The following MBP variants were observed in gnomAD, a reference collection of about 807,000 sequenced individuals.
MBP encodes the protein myelin basic protein, also known as Golli-MBP.
MBP carries 16 observed loss-of-function variants against 35.8 expected under a neutral mutation model. The ratio of observed to expected loss-of-function variants is 0.45; its 90% confidence interval spans 0.30 to 0.68. The LOEUF is 0.68. MBP is among the 30% of genes least tolerant of loss of function. MBP has a pLI of 0.08. For missense variants in MBP, 380 were observed against 404.7 expected (o/e 0.94, Z 0.52); for synonymous variants, 143 against 159.6 (o/e 0.90, Z 0.78).
intron 1 of MBP, among the ~76,000 whole-genome samples, chr18:77,130,941 G>C (rs984686536): frequency 6.7e-6 from 1 of 149,556 alleles, no homozygotes; most frequent in Non-Finnish European, 1.5e-5. Flanking sequence ...GGTTGTTTCA[G>C]AACAGTTAAC....
At chr18:77,077,652 G>A (rs1032650479) in intron 2 of MBP, among the ~76,000 whole-genome samples, 10 of 152,158 alleles carry the variant, frequency 6.6e-5, no homozygotes, top group African/African-American at 1.9e-4. Flanking sequence ...GGCCCGGGGC[G>A]GTGGCCTCAG....
intron 3 of MBP, among the ~76,000 whole-genome samples, chr18:77,032,581 T>A (rs543734067): frequency 6.6e-6 from 1 of 152,374 alleles, no homozygotes; most frequent in African/African-American, 2.4e-5. Flanking sequence ...CAGTCACCCC[T>A]GTGAGGCTGC....
chr18:77,001,258 G>A (rs1181956028), intron 4 of MBP, among the ~76,000 whole-genome samples: 3 of 152,248 alleles, frequency 2.0e-5, no homozygotes, highest in Non-Finnish European at 4.4e-5. Flanking sequence ...GGGGCTTGGG[G>A]GTTCCTCGCC....
At chr18:77,053,064 C>A (rs994694099) in intron 3 of MBP, among the ~76,000 whole-genome samples, 3 of 152,262 alleles carry the variant, frequency 2.0e-5, no homozygotes, top group Non-Finnish European at 2.9e-5. Flanking sequence ...CCAAAAGAAG[C>A]CAACCAATGC....
upstream of MBP, chr18:77,132,786 C>G (rs1015394943): frequency 4.5e-4 from 69 of 152,206 alleles, 1 homozygote; most frequent in African/African-American, 1.6e-3. Flanking sequence ...CGGTGACTGA[C>G]GGCGGCGGCT....
rs60010988 is a variant in MBP at position 77,084,431 on chromosome 18, CCACACA to C, written c.52-18052_52-18047del. ...ACACCGCCCCCCCCGCCACACCACA[CCACACA>C]CACACACACACACACACACACACAC... On this transcript the variant is annotated intron_variant, in intron 2 of 8. Coordinates refer to ENST00000355994, the MANE Select transcript of MBP (RefSeq NM_001025101.2). 3.9e-3 allele frequency among the ~76,000 whole-genome samples: 415 copies of C among 105,946 alleles called. 2 individuals carry two copies. Among genetic ancestry groups the C allele is most frequent in the African/African-American group, 8.7e-3 (250 of 28,744 alleles). 69.5% of individuals were successfully genotyped at this position (105,946 alleles called of 152,430 possible).
At position 77,105,218 on chromosome 18, in the gene MBP, G is replaced by T. The variant is rs750008587; in HGVS notation, c.44C>A (p.Ala15Asp). The part of the protein sequence containing the change: ...AGKRELNAEK[A>D]STNSETNRGE... ...GATCAGCTCACGTCTTACCGTACTG[G>T]CCTTCTCGGCATTTAATTCTCGTTT... Residue 15 changes from alanine (A) to aspartate (D), a missense_variant, in exon 2 of 9, where the codon GCC becomes GAC. Transcript: ENST00000355994. The T allele has an allele frequency of 1.2e-6, 2 of 1,612,624 alleles. No individual in the cohort carries two copies. The highest frequency in any genetic ancestry group is 2.2e-5 in the South Asian group (2 of 91,068).
chr18:77,071,245 A>G (rs1320595775), intron 2 of MBP, among the ~76,000 whole-genome samples: 1 of 152,212 alleles, frequency 6.6e-6, no homozygotes, highest in Non-Finnish European at 1.5e-5. Context: ...ACATGTTACA[A>G]AGTGACTCTC....
chr18:77,096,465 TAAA>T (rs5826493), intron 2 of MBP, among the ~76,000 whole-genome samples: 280 of 151,566 alleles, frequency 1.8e-3, no homozygotes, highest in Non-Finnish European at 3.6e-3. Flanking sequence ...GCAGCTTAAA[TAAA>T]AAAAAATCAG....
chr18:77,127,317 T>C (rs1000842797), intron 1 of MBP: 2 of 152,246 alleles, frequency 1.3e-5, no homozygotes, highest in African/African-American at 4.8e-5. Flanking sequence ...CCGGAGCTAT[T>C]GGACATTCGT....
At chr18:77,067,799 T>C in intron 2 of MBP, 1 of 509,054 alleles carries the variant, frequency 2.0e-6, no homozygotes, top group South Asian at 1.4e-5. Flanking sequence ...CCATAATATG[T>C]ACATAGTCTC....
At chr18:76,980,875 T>C in intron 8 of MBP, 1 of 196,128 alleles carries the variant, frequency 5.1e-6, no homozygotes, top group South Asian at 9.0e-5. Context: ...AGCAACTTCT[T>C]TTTCGGCGGG....
intron 3 of MBP, among the ~76,000 whole-genome samples, chr18:77,036,116 G>T (rs1187119194): frequency 1.3e-5 from 2 of 151,704 alleles, no homozygotes; most frequent in African/African-American, 4.9e-5. Flanking sequence ...AGCAAGTGCT[G>T]GTCACATTTT....
At chr18:77,064,376 G>A (rs918989226) in intron 3 of MBP, among the ~76,000 whole-genome samples, 5 of 152,294 alleles carry the variant, frequency 3.3e-5, no homozygotes, top group African/African-American at 4.8e-5. Flanking sequence ...CCTGAAGGCG[G>A]TGAGTTATGC....
chr18:77,066,705 T>A lies in MBP; in HGVS notation c.52-320A>T, dbSNP rs1172534969. On this transcript the variant is annotated intron_variant, in intron 2 of 8. Transcript: ENST00000355994. Reference sequence around the variant, plus strand: ...CATTTATTCCAAGGGTGAGCCCACATAGTTACTGCTTTAGATTCTAAGTGA... The same window carrying A: ...CATTTATTCCAAGGGTGAGCCCACAAAGTTACTGCTTTAGATTCTAAGTGA... The A allele has an allele frequency of 5.4e-6, 3 of 559,558 alleles. No individual in the cohort carries two copies. The Admixed American group carries it at 5.8e-5, about 11-fold the overall frequency. 34.7% of individuals were successfully genotyped at this position (559,558 alleles called of 1,614,324 possible). A position where few individuals can be genotyped will look rare whatever the true frequency, so the allele number is the denominator to read the frequency against.
At chr18:77,012,998 C>G (rs766383268) in intron 4 of MBP, 388 of 985,346 alleles carry the variant, frequency 3.9e-4, no homozygotes, top group Non-Finnish European at 4.6e-4. Flanking sequence ...TAACTATCGT[C>G]TATTCATACA....
intron 4 of MBP, among the ~76,000 whole-genome samples, chr18:77,008,338 C>A (rs764957024): frequency 2.0e-5 from 3 of 152,154 alleles, no homozygotes; most frequent in Non-Finnish European, 2.9e-5. Flanking sequence ...CCCCAGTGCA[C>A]CCCAGAGAAG....
chr18:77,037,087 A>G (rs1232607360), intron 3 of MBP, among the ~76,000 whole-genome samples: 5 of 135,780 alleles, frequency 3.7e-5, no homozygotes, highest in Non-Finnish European at 7.7e-5. Context: ...TGCTGGTCAC[A>G]TTTTGGAGAC....
At chr18:77,012,374 G>T (rs529307947) in intron 4 of MBP, among the ~76,000 whole-genome samples, 88 of 152,324 alleles carry the variant, frequency 5.8e-4, no homozygotes, top group African/African-American at 2.0e-3. Flanking sequence ...AGTGGGATCT[G>T]CTCAGCGTCC....
Sources: allele counts gnomAD v4.1 joint callset (sites outside exome capture counted in the v4.1 genomes callset), GRCh38; gene constraint gnomAD v4.1.1; transcripts MANE v1.5; gene names NCBI Gene and HGNC (gene_info 2026-07-23, HGNC 2026-07-21).